Variants in GLIS1 observed in about 807,000 individuals in gnomAD.
GLIS1 encodes the protein GLIS family zinc finger 1, also known as zinc finger protein GLIS1.
Under a neutral mutation model 63.8 loss-of-function variants are expected in GLIS1, and 24 were observed. The ratio of observed to expected loss-of-function variants is 0.38; its 90% CI spans 0.27 to 0.53. GLIS1 has a LOEUF of 0.53. Ranked by LOEUF, GLIS1 falls within the 20% of genes least tolerant of loss-of-function variation. The pLI is 0.85. For synonymous variants in GLIS1, 450 were observed against 482.5 expected (o/e 0.93, Z 0.88); for missense variants, 1,036 against 1,074.1 (o/e 0.96, Z 0.50).
rs558512916 is a variant in GLIS1 at position 53,684,211 on chromosome 1, C to T, written c.259+53595G>A. The stretch of plus-strand genomic sequence containing the variant: ...TCCCCACCCCCAAGATCTCTGCAGT[C>T]CAGCTCCTCCTACCCTCTCTGGAGG... On this transcript the variant is annotated intron_variant, in intron 2 of 10. Transcript: ENST00000628545. Among the ~76,000 whole-genome samples, 5 of 152,200 alleles carry T rather than the reference C, an allele frequency of 3.3e-5. No homozygotes were observed. In the South Asian group the frequency reaches 8.3e-4, roughly 25 times the overall value.
intron 2 of GLIS1, among the ~76,000 whole-genome samples, chr1:53,698,262 C>T (rs1051979777): frequency 1.3e-5 from 2 of 152,188 alleles, no homozygotes; most frequent in African/African-American, 4.8e-5. Context: ...CCCCTCGGAA[C>T]GCACTCCAGA....
chr1:53,548,211 C>G (rs1272750605), intron 4 of GLIS1, among the ~76,000 whole-genome samples: 1 of 152,188 alleles, frequency 6.6e-6, no homozygotes, highest in African/African-American at 2.4e-5. Flanking sequence ...CCAGGGTGTG[C>G]CCCAGGGCAC....
chr1:53,650,272 G>A (rs1645891095), intron 2 of GLIS1, among the ~76,000 whole-genome samples: 1 of 152,090 alleles, frequency 6.6e-6, no homozygotes, highest in African/African-American at 2.4e-5. Flanking sequence ...ATGCATTCAA[G>A]GTTAAAAACA....
At chr1:53,709,524 T>C (rs1223522283) in intron 2 of GLIS1, among the ~76,000 whole-genome samples, 2 of 151,620 alleles carry the variant, frequency 1.3e-5, no homozygotes, top group Non-Finnish European at 2.9e-5. Flanking sequence ...GCTGGTTACA[T>C]AGATGGGTGG....
At chr1:53,628,403 C>T (rs539551680) in intron 2 of GLIS1, among the ~76,000 whole-genome samples, 15 of 152,272 alleles carry the variant, frequency 9.9e-5, no homozygotes, top group Non-Finnish European at 1.9e-4. Context: ...CTACCAAGGG[C>T]AGGAGAGCCA....
intron 4 of GLIS1, among the ~76,000 whole-genome samples, chr1:53,547,436 G>A (rs554618262): frequency 1.5e-3 from 225 of 152,360 alleles, no homozygotes; most frequent in African/African-American, 3.6e-3. Flanking sequence ...ATCTCCCCTC[G>A]TCAGCACGGA....
At chr1:53,692,198 AG>A (rs1393152472) in intron 2 of GLIS1, among the ~76,000 whole-genome samples, 2 of 152,210 alleles carry the variant, frequency 1.3e-5, no homozygotes, top group African/African-American at 4.8e-5. Context: ...AAACTACTAT[AG>A]AACAATAAAG....
At chr1:53,528,935 G>A (rs965445567) in intron 5 of GLIS1, among the ~76,000 whole-genome samples, 16 of 152,260 alleles carry the variant, frequency 1.1e-4, no homozygotes, top group Non-Finnish European at 1.8e-4. Context: ...CCTCAGGCAC[G>A]TGCCCCTCAC....
intron 2 of GLIS1, among the ~76,000 whole-genome samples, chr1:53,715,785 C>T (rs1284238222): frequency 6.6e-6 from 1 of 151,950 alleles, no homozygotes; most frequent in African/African-American, 2.4e-5. Flanking sequence ...CAAATCTGGC[C>T]CCATGGAGGC....
In GLIS1 at chr1:53,594,909, G is replaced by A. The variant is rs1645239195; in HGVS notation, c.519C>T (p.Tyr173=). The A allele has an allele frequency of 1.3e-6, 2 of 1,518,068 alleles. No individual in the cohort carries two copies. The highest frequency in any genetic ancestry group is 2.3e-4 in the Middle Eastern group (1 of 4,264). The allele number at this position is 1,518,068 out of a possible 1,614,324, so 94.0% of individuals were successfully genotyped here. Residue 173 remains tyrosine, a synonymous_variant, in exon 4 of 11, where the codon TAC becomes TAT. Coordinates refer to ENST00000628545, the MANE Select transcript of GLIS1 (RefSeq NM_001367484.1). ...ATGTGCGGGCCTCTGCCATGGCTTGGTAGTCGGGCAAGGACTCCTGTTTGA... is the reference window on the plus strand; with the variant it reads ...ATGTGCGGGCCTCTGCCATGGCTTGATAGTCGGGCAAGGACTCCTGTTTGA... ...QHIKQESLPD[Y]QAMAEARTSL...
rs745613071 is a variant in GLIS1, at chr1:53,594,887, T to G, written c.541A>C (p.Thr181Pro). 6.5e-7 allele frequency: 1 copy of G among 1,541,708 alleles called. No individual in the cohort carries two copies. The highest frequency in any genetic ancestry group is 8.7e-7 in the Non-Finnish European group (1 of 1,151,982). ...CCCCGACAGTGGGCAGACAGGGATG[T>G]GCGGGCCTCTGCCATGGCTTGGTAG... ...PDYQAMAEAR[T>P]SLSAHCRGPL... Residue 181 changes from threonine to proline, a missense_variant, in exon 4 of 11, where the codon ACA (threonine) becomes CCA (proline). Around this residue, in one of 3 missense-constraint regions of GLIS1, gnomAD observed 592 missense variants for 593.9 expected, o/e 1.00. Coordinates refer to ENST00000628545, the MANE Select transcript of GLIS1 (RefSeq NM_001367484.1).
chr1:53,660,174 C>T (rs1454765114), intron 2 of GLIS1, among the ~76,000 whole-genome samples: 3 of 152,184 alleles, frequency 2.0e-5, no homozygotes, highest in African/African-American at 4.8e-5. Context: ...CGAAAAGCAT[C>T]AGGGCCTTGC....
In GLIS1 at chr1:53,552,331, T is replaced by C. The variant is rs185017337; in HGVS notation, c.1321-22379A>G. 2.0e-5 allele frequency among the ~76,000 whole-genome samples: 3 copies of C among 150,378 alleles called. No homozygotes were observed. The East Asian group carries it at 6.0e-4, about 30-fold the overall frequency. ...CTCACAAGGCCCCCCGCTGCTCCTGTGCCTGGGCCAGCTCTACACAGCATG... is the reference window on the plus strand; with the variant it reads ...CTCACAAGGCCCCCCGCTGCTCCTGCGCCTGGGCCAGCTCTACACAGCATG... On this transcript the variant is annotated intron_variant, in intron 4 of 10. Coordinates refer to ENST00000628545, the MANE Select transcript of GLIS1 (RefSeq NM_001367484.1).
rs5774151 is a variant in GLIS1, at chr1:53,515,079, A to ATGTGTG, written c.1727-304_1727-299dup. Reference sequence around the variant, plus strand: ...TGGGGTGCTTAGGGTGTGTGTGTATATGTGTGTGTGTGTGTGTGTGTGTGT... The same window carrying ATGTGTG: ...TGGGGTGCTTAGGGTGTGTGTGTATATGTGTGTGTGTGTGTGTGTGTGTGTGTGTGT... On this transcript the variant is annotated intron_variant, in intron 7 of 10. Transcript: ENST00000628545. Among the ~76,000 whole-genome samples, 1,041 of 142,084 alleles carry ATGTGTG rather than the reference A, an allele frequency of 7.3e-3. 15 individuals carry two copies. Among genetic ancestry groups the ATGTGTG allele is most frequent in the African/African-American group, 0.023 (883 of 37,684 alleles). 93.2% of individuals were successfully genotyped at this position (142,084 alleles called of 152,430 possible).
chr1:53,649,267 T>C (rs1024104098), intron 2 of GLIS1, among the ~76,000 whole-genome samples: 16 of 152,248 alleles, frequency 1.1e-4, no homozygotes, highest in Non-Finnish European at 1.5e-5. Flanking sequence ...ATGGCACCAT[T>C]TGCCGTTCAC....
At chr1:53,694,711 C>T (rs1171434297) in intron 2 of GLIS1, among the ~76,000 whole-genome samples, 2 of 152,048 alleles carry the variant, frequency 1.3e-5, no homozygotes, top group East Asian at 1.9e-4. Context: ...GACTGGGCTA[C>T]GTGGGGCACA....
intron 4 of GLIS1, among the ~76,000 whole-genome samples, chr1:53,553,837 CTG>C (rs1341011620): frequency 6.6e-6 from 1 of 152,184 alleles, no homozygotes; most frequent in Non-Finnish European, 1.5e-5. Context: ...GCAAGGAGGC[CTG>C]TGTGGCTGGA....
At chr1:53,606,865 G>A (rs1442491307) in intron 2 of GLIS1, among the ~76,000 whole-genome samples, 1 of 152,210 alleles carries the variant, frequency 6.6e-6, no homozygotes, top group Non-Finnish European at 1.5e-5. Context: ...CCCCTTTAAA[G>A]CTAAGCTAGA....
chr1:53,679,786 T>C (rs191815988), intron 2 of GLIS1, among the ~76,000 whole-genome samples: 1 of 152,382 alleles, frequency 6.6e-6, no homozygotes, highest in East Asian at 1.9e-4. Flanking sequence ...GGAAAGCCCC[T>C]GTAGCATGCT....
Sources: gnomAD v4.1 joint callset for allele counts (sites outside exome capture counted in the v4.1 genomes callset) on GRCh38, gnomAD v4.1.1 for gene constraint, gnomAD v4.1.1 regional missense constraint, MANE v1.5 for transcripts, NCBI Gene and HGNC (gene_info 2026-07-23, HGNC 2026-07-21) for gene names.